The following AKR1A1 variants were observed in gnomAD, a reference collection of about 807,000 sequenced individuals.
AKR1A1 encodes HEL-S-165mP.
Under a neutral mutation model 39.2 loss-of-function variants are expected in AKR1A1, and 26 were observed. That is an observed-to-expected ratio of 0.66 (90% CI 0.49 to 0.92). AKR1A1 has a LOEUF of 0.92. AKR1A1 is among the 40% of genes least tolerant of loss of function. The pLI, the probability that AKR1A1 is intolerant of heterozygous loss-of-function variation, is 0.00. For synonymous variants in AKR1A1, 141 were observed against 155.5 expected, an observed-to-expected ratio of 0.91 and a Z score of 0.69; for missense variants, 378 against 406.5, an observed-to-expected ratio of 0.93 and a Z score of 0.60.
intron 1 of AKR1A1, among the ~76,000 whole-genome samples, chr1:45,556,554 C>A (rs1002870957): frequency 3.3e-5 from 5 of 151,466 alleles, no homozygotes; most frequent in Non-Finnish European, 2.9e-5. Flanking sequence ...GTACTCCAGC[C>A]TGGGTGACGG....
chr1:45,554,997 T>G (rs1644182425), intron 1 of AKR1A1, among the ~76,000 whole-genome samples: 1 of 151,220 alleles, frequency 6.6e-6, no homozygotes, highest in Non-Finnish European at 1.5e-5. Flanking sequence ...CAACCAGATG[T>G]TTTTTTTTAA....
At chr1:45,567,054 G>A (rs1183274081) in intron 4 of AKR1A1, 34 bp downstream of exon 4, 1 of 1,608,136 alleles carries the variant, frequency 6.2e-7, no homozygotes, top group South Asian at 1.1e-5. Context: ...TGGGGAATCA[G>A]GGGGTTGAGC....
chr1:45,555,965 C>G (rs367606359), intron 1 of AKR1A1, among the ~76,000 whole-genome samples: 1 of 151,974 alleles, frequency 6.6e-6, no homozygotes, highest in Non-Finnish European at 1.5e-5. Flanking sequence ...AGGCGATAAC[C>G]GAAGACATGA....
chr1:45,564,271 G>A (rs1248063692), intron 2 of AKR1A1, among the ~76,000 whole-genome samples: 1 of 152,146 alleles, frequency 6.6e-6, no homozygotes, highest in African/African-American at 2.4e-5. Context: ...GGGGGCCACA[G>A]ACAAGGCCAA....
rs749764586 is a variant in AKR1A1, at chr1:45,566,647, G to T, written c.163G>T (p.Glu55Ter). The T allele has an allele frequency of 5.6e-6, 9 of 1,614,246 alleles. No homozygotes were observed. The South Asian group carries it at 9.9e-5, about 18-fold the overall frequency. The stretch of plus-strand genomic sequence containing the variant: ...TGCTGCTATCTACGGCAATGAGCCT[G>T]AGATTGGGGAGGCCCTGAAGGAGGA... ...DCAAIYGNEP[E>*]IGEALKEDVG... The change falls in exon 3 of 9, where the codon GAG becomes TAG. Residue 55 changes from glutamate to a stop codon, truncating the protein, a stop_gained. Transcript: ENST00000351829. LOFTEE classifies it high-confidence loss of function.
rs1644378070 is a variant in AKR1A1, at chr1:45,568,704, A to T, written c.752+20A>T. The T allele has an allele frequency of 6.2e-7, 1 of 1,612,534 alleles. No individual in the cohort carries two copies. The highest frequency in any genetic ancestry group is 1.3e-5 in the African/African-American group (1 of 74,942). ...GCTCAGGTATGGGGCAGTCTTAGGG[A>T]GAGGGCCCTGGGTTGGGAGGCAAGG... On this transcript the variant is annotated intron_variant, in intron 6 of 8. Coordinates refer to ENST00000351829, the MANE Select transcript of AKR1A1 (RefSeq NM_153326.3).
chr1:45,559,869 G>A (rs969987798), intron 1 of AKR1A1, among the ~76,000 whole-genome samples: 4 of 151,282 alleles, frequency 2.6e-5, no homozygotes, highest in African/African-American at 4.9e-5. Flanking sequence ...GGCTGGTCTC[G>A]ATCTCTTGAC....
chr1:45,565,264 G>A (rs1251721742), intron 2 of AKR1A1, among the ~76,000 whole-genome samples: 3 of 150,320 alleles, frequency 2.0e-5, no homozygotes, highest in East Asian at 3.9e-4. Flanking sequence ...CCAAGTACCC[G>A]GGATTATAGG....
chr1:45,555,811 C>G (rs1202855667), intron 1 of AKR1A1, among the ~76,000 whole-genome samples: 1 of 152,116 alleles, frequency 6.6e-6, no homozygotes, highest in Non-Finnish European at 1.5e-5. Flanking sequence ...AGCCCCACAG[C>G]CTAAACTGTT....
In AKR1A1 at chr1:45,566,929, G is replaced by A. The variant is rs1282697803; in HGVS notation, c.265G>A (p.Glu89Lys). 6.2e-6 allele frequency: 10 copies of A among 1,614,160 alleles called. No homozygotes were observed. The highest frequency in any genetic ancestry group is 4.5e-5 in the East Asian group (2 of 44,876). ...SKLWNTKHHP[E>K]DVEPALRKTL... ...GCTGTGGAACACCAAGCACCACCCC[G>A]AGGATGTGGAGCCTGCCCTCCGGAA... Residue 89 changes from glutamate (E) to lysine (K), a missense_variant, in exon 4 of 9, where the codon GAG becomes AAG. Coordinates refer to ENST00000351829, the MANE Select transcript of AKR1A1 (RefSeq NM_153326.3).
At chr1:45,553,978 G>C (rs1644167836) in intron 1 of AKR1A1, among the ~76,000 whole-genome samples, 1 of 150,180 alleles carries the variant, frequency 6.7e-6, no homozygotes, top group African/African-American at 2.5e-5. Context: ...CTGGGTGACA[G>C]AGCGAGACTC....
intron 1 of AKR1A1, among the ~76,000 whole-genome samples, chr1:45,560,974 G>A (rs548602735): frequency 2.6e-5 from 4 of 152,196 alleles, no homozygotes; most frequent in South Asian, 2.1e-4. Context: ...TGATCCACCC[G>A]CCTCGGCCTC....
intron 1 of AKR1A1, among the ~76,000 whole-genome samples, chr1:45,553,942 C>T (rs1332783621): frequency 6.6e-6 from 1 of 151,632 alleles, no homozygotes; most frequent in Non-Finnish European, 1.5e-5. Context: ...TTGCAGTGAG[C>T]CGAGATCACG....
At chr1:45,559,889 C>T (rs547851312) in intron 1 of AKR1A1, among the ~76,000 whole-genome samples, 11 of 151,898 alleles carry the variant, frequency 7.2e-5, no homozygotes, top group African/African-American at 1.7e-4. Flanking sequence ...CCTTGTGATC[C>T]GCCCACCTCA....
At chr1:45,564,367 CACA>C (rs1244783635) in intron 2 of AKR1A1, among the ~76,000 whole-genome samples, 2 of 152,112 alleles carry the variant, frequency 1.3e-5, no homozygotes, top group African/African-American at 4.8e-5. Flanking sequence ...GTCAGGCACC[CACA>C]ACAAGAGCTT....
In AKR1A1 at chr1:45,556,176, A is replaced by G. The variant is rs1300487542; in HGVS notation, c.-7+5021A>G. Among the ~76,000 whole-genome samples, 4 of 152,224 alleles carry G rather than the reference A, an allele frequency of 2.6e-5. No individual in the cohort carries two copies. The East Asian group carries it at 7.7e-4, about 29-fold the overall frequency. Reference sequence around the variant, plus strand: ...TGTAGAGCCCTTTGAGAAAGAAAGAATTCAACAGAGGGAAGGAACCTAGGC... The same window carrying G: ...TGTAGAGCCCTTTGAGAAAGAAAGAGTTCAACAGAGGGAAGGAACCTAGGC... On this transcript the variant is annotated intron_variant, in intron 1 of 8. Transcript: ENST00000351829.
intron 2 of AKR1A1, among the ~76,000 whole-genome samples, chr1:45,565,143 T>C (rs1644324386): frequency 1.5e-5 from 2 of 134,404 alleles, no homozygotes; most frequent in African/African-American, 5.7e-5. Flanking sequence ...TTTTTTTTTT[T>C]TTTTGAGAAG....
At chr1:45,560,656 A>T (rs3014218) in intron 1 of AKR1A1, among the ~76,000 whole-genome samples, 1 of 151,302 alleles carries the variant, frequency 6.6e-6, no homozygotes, top group African/African-American at 2.4e-5. Context: ...CCCTTGCAGG[A>T]GCCCACTCGG....
At chr1:45,560,244 C>G (rs2148296066) in intron 1 of AKR1A1, among the ~76,000 whole-genome samples, 1 of 152,252 alleles carries the variant, frequency 6.6e-6, no homozygotes, top group East Asian at 1.9e-4. Flanking sequence ...CCTTGGCCTT[C>G]CTATGTGCTT....
Sources: gnomAD v4.1 joint callset for allele counts (sites outside exome capture counted in the v4.1 genomes callset) on GRCh38, gnomAD v4.1.1 for gene constraint, MANE v1.5 for transcripts, NCBI Gene and HGNC (gene_info 2026-07-23, HGNC 2026-07-21) for gene names.